The following NAV3 variants were observed in gnomAD, a reference collection of about 807,000 sequenced individuals.
The protein encoded by NAV3 is pore membrane and/or filament interacting like protein 1.
Under a neutral mutation model 244.7 loss-of-function variants are expected in NAV3, and 87 were observed. The ratio of observed to expected loss-of-function variants is 0.36; its 90% CI spans 0.30 to 0.42. The LOEUF (loss-of-function observed/expected upper bound fraction) is 0.42, where lower values mean the gene tolerates loss of function less well. Among genes scored for constraint, NAV3 ranks in the 20% least tolerant of loss-of-function variants. NAV3 has a pLI of 1.00. For missense variants in NAV3, 2,663 were observed against 2,893.3 expected, an observed-to-expected ratio of 0.92 and a Z score of 1.83; for synonymous variants, 1,126 against 1,042.2, an observed-to-expected ratio of 1.08 and a Z score of -1.55.
At chr12:78,089,553 T>A (rs757956119) in intron 12 of NAV3, among the ~76,000 whole-genome samples, 5 of 152,164 alleles carry the variant, frequency 3.3e-5, no homozygotes, top group African/African-American at 7.2e-5. Flanking sequence ...AAACCAGTTA[T>A]TTTTATTAGT....
chr12:77,968,751 C>A (rs751642259), intron 5 of NAV3, 49 bp downstream of exon 5: 7 of 1,554,886 alleles, frequency 4.5e-6, no homozygotes, highest in Middle Eastern at 1.7e-4. Flanking sequence ...TGTGTAGATA[C>A]AACTTGTTTT....
At chr12:77,762,462 G>T (rs557947003) in intron 2 of NAV3, among the ~76,000 whole-genome samples, 1 of 152,170 alleles carries the variant, frequency 6.6e-6, no homozygotes, top group East Asian at 1.9e-4. Context: ...AATTAGCCAG[G>T]CATGTTGGTG....
At chr12:77,970,908 A>C (rs1443121041) in intron 5 of NAV3, among the ~76,000 whole-genome samples, 1 of 152,094 alleles carries the variant, frequency 6.6e-6, no homozygotes, top group Non-Finnish European at 1.5e-5. Flanking sequence ...AAAGGAAATA[A>C]AATTATTTTA....
chr12:78,121,410 C>T (rs1206955722), intron 15 of NAV3, among the ~76,000 whole-genome samples: 2 of 152,030 alleles, frequency 1.3e-5, no homozygotes, highest in African/African-American at 4.8e-5. Context: ...TGTTTCCAAC[C>T]AACTGCTCCC....
intron 1 of NAV3, among the ~76,000 whole-genome samples, chr12:77,901,592 C>A (rs1196652390): frequency 1.3e-5 from 2 of 152,150 alleles, no homozygotes; most frequent in Non-Finnish European, 2.9e-5. Context: ...TGCCTGTAAT[C>A]CCAGCCACTT....
intron 19 of NAV3, 138 bp from the exon 20 acceptor site, chr12:78,140,144 G>A: frequency 1.4e-6 from 1 of 689,874 alleles, no homozygotes; most frequent in Non-Finnish European, 2.5e-6. Flanking sequence ...AATTATAGCA[G>A]GCTGGTTCTC....
At chr12:77,994,081 T>G (rs1871904512) in intron 5 of NAV3, among the ~76,000 whole-genome samples, 2 of 152,278 alleles carry the variant, frequency 1.3e-5, no homozygotes, top group East Asian at 1.9e-4. Context: ...TGCTTTCTTG[T>G]GTGCCTTTGA....
At chr12:77,907,267 C>T (rs1348703178) in intron 1 of NAV3, among the ~76,000 whole-genome samples, 2 of 152,110 alleles carry the variant, frequency 1.3e-5, no homozygotes, top group Non-Finnish European at 2.9e-5. Flanking sequence ...ATAGCTCATT[C>T]AGGTAACATG....
chr12:77,962,466 A>C (rs1207000910), intron 3 of NAV3, among the ~76,000 whole-genome samples: 2 of 152,094 alleles, frequency 1.3e-5, no homozygotes, highest in African/African-American at 4.8e-5. Flanking sequence ...TTAAAGCCCA[A>C]AACCTTGGAG....
At position 77,927,818 on chromosome 12, in the gene NAV3, C is replaced by A. The variant is rs553204877; in HGVS notation, c.244-12501C>A. 9.9e-5 allele frequency among the ~76,000 whole-genome samples: 15 copies of A among 152,144 alleles called. No homozygotes were observed. The South Asian group carries it at 2.9e-3, about 29-fold the overall frequency. ...TTAGTCAGGCCCCATGCATTTAAGA[C>A]CGGGTAGCTGGTTCTTCATTATGTA... On this transcript the variant is annotated intron_variant, in intron 1 of 39. Transcript: ENST00000397909.
chr12:78,064,656 T>G (rs1884792622), intron 12 of NAV3, among the ~76,000 whole-genome samples: 1 of 152,120 alleles, frequency 6.6e-6, no homozygotes, highest in Non-Finnish European at 1.5e-5. Flanking sequence ...ATAATTCAAT[T>G]CATAACCCTG....
At chr12:77,830,083 A>G (rs1048473875), upstream of NAV3, among the ~76,000 whole-genome samples, 18 of 152,184 alleles carry the variant, frequency 1.2e-4, no homozygotes, top group Admixed American at 2.6e-4. Context: ...ATGTTTTCTT[A>G]AAAGTTTACC....
chr12:78,209,951 C>T (rs1158737741), intron 39 of NAV3, among the ~76,000 whole-genome samples: 1 of 152,140 alleles, frequency 6.6e-6, no homozygotes, highest in Non-Finnish European at 1.5e-5. Flanking sequence ...CTCTCCATAC[C>T]CTCCTTCTCT....
intron 20 of NAV3, among the ~76,000 whole-genome samples, chr12:78,140,732 T>C (rs1306365831): frequency 1.3e-5 from 2 of 152,152 alleles, no homozygotes; most frequent in Non-Finnish European, 2.9e-5. Flanking sequence ...TATTTTCTTC[T>C]CATTTTTTAT....
chr12:77,933,038 A>G (rs1888964189), intron 1 of NAV3, among the ~76,000 whole-genome samples: 1 of 152,060 alleles, frequency 6.6e-6, no homozygotes, highest in African/African-American at 2.4e-5. Flanking sequence ...TGTAACCTTC[A>G]TAGTTATGTT....
At chr12:77,892,058 C>G (rs1884003861) in intron 1 of NAV3, among the ~76,000 whole-genome samples, 1 of 152,168 alleles carries the variant, frequency 6.6e-6, no homozygotes, top group South Asian at 2.1e-4. Flanking sequence ...TGACATGGAA[C>G]ACTTTTTATA....
Position 78,175,328 on chromosome 12 carries a change from T to C in NAV3, c.5004T>C (p.His1668=), listed in dbSNP as rs1390067551. 9.9e-6 allele frequency: 16 copies of C among 1,611,098 alleles called. No individual in the cohort carries two copies. Among genetic ancestry groups the C allele is most frequent in the Non-Finnish European group, 1.4e-5 (16 of 1,178,086 alleles). The part of the protein sequence containing the change: ...PPKDLRIRRQ[H]SSESVSSINS... ...TAGATCTTCGCATCAGAAGACAGCA[T>C]TCCTCTGAAAGTGTTTCTAGTATCA... Residue 1668 remains histidine, a synonymous_variant, in exon 25 of 40, where the codon CAT becomes CAC. Transcript: ENST00000397909.
At chr12:78,209,783 A>G (rs570982605) in intron 39 of NAV3, among the ~76,000 whole-genome samples, 1 of 152,164 alleles carries the variant, frequency 6.6e-6, no homozygotes, top group Non-Finnish European at 1.5e-5. Flanking sequence ...TGATGTATCA[A>G]TCATATTTTA....
upstream of NAV3, among the ~76,000 whole-genome samples, chr12:77,826,514 A>G (rs1873025701): frequency 1.3e-5 from 2 of 152,082 alleles, 1 homozygote; most frequent in South Asian, 4.1e-4. Context: ...AAATTATAGA[A>G]CTTTCCCACA....
Sources: gnomAD v4.1 joint callset for allele counts (sites outside exome capture counted in the v4.1 genomes callset) on GRCh38, gnomAD v4.1.1 for gene constraint, MANE v1.5 for transcripts, NCBI Gene and HGNC (gene_info 2026-07-23, HGNC 2026-07-21) for gene names.